CHD1L: variants seen among roughly 807,000 people sequenced by gnomAD.
CHD1L encodes chromodomain helicase DNA binding protein 1 like.
In CHD1L, 118 loss-of-function variants were observed where a neutral mutation model predicts 115.9. The ratio of observed to expected loss-of-function variants is 1.02; its 90% confidence interval spans 0.88 to 1.19. CHD1L has a LOEUF of 1.19. Ranked by LOEUF, CHD1L falls within the 50% of genes most tolerant of loss-of-function variation. CHD1L has a pLI of 0.00. For missense variants in CHD1L, 1,179 were observed against 1,065.3 expected (o/e 1.11, Z -1.49); for synonymous variants, 411 against 387.1 (o/e 1.06, Z -0.72).
rs587713336 is a variant in CHD1L, at chr1:147,270,824, C to G, written c.1086-108C>G. The G allele has an allele frequency of 5.7e-6, 5 of 869,652 alleles. No homozygotes were observed. The East Asian group carries it at 1.3e-4, about 22-fold the overall frequency. The allele number at this position is 869,652 out of a possible 1,614,324, so 53.9% of individuals were successfully genotyped here. A position where few individuals can be genotyped will look rare whatever the true frequency, so the allele number is the denominator to read the frequency against. ...AAATCATACGACACTTATATTTCTA[C>G]TTTGGTATTTATTTATAAACTTTTA... On this transcript the variant is annotated intron_variant, in intron 10 of 22. Transcript: ENST00000369258.
intron 1 of CHD1L, among the ~76,000 whole-genome samples, chr1:147,248,409 T>C (rs1268310268): frequency 2.6e-5 from 4 of 152,150 alleles, no homozygotes; most frequent in East Asian, 3.9e-4. Flanking sequence ...GGTTTCTCCA[T>C]GTTGGTCAGG....
At chr1:147,273,392 G>A (rs946532046) in intron 12 of CHD1L, among the ~76,000 whole-genome samples, 57 of 152,170 alleles carry the variant, frequency 3.7e-4, no homozygotes, top group African/African-American at 1.4e-3. Context: ...GCTGCTATAA[G>A]GGTATATGAA....
the CHD1L span, chr1:147,175,592 G>A: frequency 1.3e-5 from 2 of 151,964 alleles, no homozygotes; most frequent in Non-Finnish European, 2.9e-5. Context: ...TCTCCCCTGT[G>A]CCACATAAGA....
At position 147,287,870 on chromosome 1, in the gene CHD1L, A is replaced by T. The variant is rs180992258; in HGVS notation, c.2320+137A>T. On this transcript the variant is annotated intron_variant, in intron 19 of 22. Transcript: ENST00000369258. ...TGGGGACTGAATTCTGTCATAAATT[A>T]GCTACTTGTTCTGTGACTTCAAGGC... The T allele has an allele frequency of 4.0e-5, 26 of 648,298 alleles. No homozygotes were observed. The East Asian group carries it at 7.0e-4, about 17-fold the overall frequency. The allele number at this position is 648,298 out of a possible 1,614,324, so 40.2% of individuals were successfully genotyped here. A position where few individuals can be genotyped will look rare whatever the true frequency, so the allele number is the denominator to read the frequency against.
At chr1:147,275,205 G>A in intron 12 of CHD1L, 149 bp from the exon 13 acceptor site, 1 of 650,804 alleles carries the variant, frequency 1.5e-6, no homozygotes. Context: ...ACAAGGCTTT[G>A]GAGTTAGGGG....
At chr1:147,178,870 G>A in the CHD1L span, 4 of 1,579,052 alleles carry the variant, frequency 2.5e-6, no homozygotes, top group Admixed American at 5.0e-5. Flanking sequence ...AGACAATAAA[G>A]ATTTGATACA....
Position 147,295,714 on chromosome 1 carries a change from C to CT in CHD1L, c.*208dup. 1.9e-6 allele frequency: 1 copy of CT among 527,780 alleles called. No individual in the cohort carries two copies. Among genetic ancestry groups the CT allele is most frequent in the Non-Finnish European group, 3.3e-6 (1 of 303,740 alleles). 32.7% of individuals were successfully genotyped at this position (527,780 alleles called of 1,614,324 possible). A position where few individuals can be genotyped will look rare whatever the true frequency, so the allele number is the denominator to read the frequency against. ...AAACACAACTTTTTTTGGGAAAGCC[C>CT]TTTGACCCCAGCTTGCTAGTTGCAT... On this transcript the variant is annotated 3_prime_UTR_variant, in exon 23 of 23. Coordinates refer to ENST00000369258, the MANE Select transcript of CHD1L (RefSeq NM_004284.6).
intron 10 of CHD1L, among the ~76,000 whole-genome samples, chr1:147,269,886 T>C (rs937593200): frequency 6.6e-6 from 1 of 152,120 alleles, no homozygotes; most frequent in Non-Finnish European, 1.5e-5. Context: ...TGCTCAACTT[T>C]AGGAATGTGC....
the CHD1L span, among the ~76,000 whole-genome samples, chr1:147,234,562 A>G: frequency 1.5e-3 from 233 of 152,372 alleles, 1 homozygote; most frequent in Non-Finnish European, 2.5e-3. Context: ...CCTGGCATGT[A>G]GTTGGAGTTC....
chr1:147,222,643 T>C, the CHD1L span, among the ~76,000 whole-genome samples: 1 of 152,166 alleles, frequency 6.6e-6, no homozygotes, highest in Non-Finnish European at 1.5e-5. Flanking sequence ...ACCACACAGG[T>C]GTGGTCTGTT....
At chr1:147,190,214 C>G in the CHD1L span, 1 of 1,611,706 alleles carries the variant, frequency 6.2e-7, no homozygotes, top group Non-Finnish European at 8.5e-7. Flanking sequence ...GATATTTCTG[C>G]CATCATTTCA....
intron 10 of CHD1L, among the ~76,000 whole-genome samples, chr1:147,269,430 G>A (rs587758159): frequency 1.5e-4 from 23 of 152,186 alleles, no homozygotes; most frequent in African/African-American, 5.3e-4. Flanking sequence ...CAATACTTTG[G>A]GAGGCTGAGG....
At chr1:147,188,968 A>G in the CHD1L span, among the ~76,000 whole-genome samples, 1 of 152,176 alleles carries the variant, frequency 6.6e-6, no homozygotes, top group African/African-American at 2.4e-5. Flanking sequence ...AGTTGGTCAC[A>G]GGTGACCTTT....
chr1:147,264,788 A>G (rs1673251475), intron 7 of CHD1L, among the ~76,000 whole-genome samples: 1 of 152,200 alleles, frequency 6.6e-6, no homozygotes, highest in African/African-American at 2.4e-5. Context: ...ATTGTTTGCT[A>G]TTTGATTCTG....
chr1:147,195,325 G>T, the CHD1L span, among the ~76,000 whole-genome samples: 1 of 151,974 alleles, frequency 6.6e-6, no homozygotes, highest in Non-Finnish European at 1.5e-5. Context: ...TAGAGACGAG[G>T]TTTCACCATA....
the CHD1L span, chr1:147,208,916 A>C: frequency 6.2e-7 from 1 of 1,614,056 alleles, no homozygotes; most frequent in Non-Finnish European, 8.5e-7. Flanking sequence ...TTTTCCAAAT[A>C]TTTGTTTGCT....
At chr1:147,275,782 T>TAAAAAAAAAA (rs1344302937) in intron 13 of CHD1L, among the ~76,000 whole-genome samples, 1 of 139,392 alleles carries the variant, frequency 7.2e-6, no homozygotes, top group Non-Finnish European at 1.5e-5. Flanking sequence ...GGAGCTAAGC[T>TAAAAAAAAAA]AAAAAAAAAA....
chr1:147,218,933 C>T, the CHD1L span, among the ~76,000 whole-genome samples: 1 of 152,204 alleles, frequency 6.6e-6, no homozygotes, highest in Non-Finnish European at 1.5e-5. Context: ...GCTCCCAAAA[C>T]TCTCTGTTCA....
the CHD1L span, among the ~76,000 whole-genome samples, chr1:147,206,780 G>A: frequency 6.6e-6 from 1 of 152,018 alleles, no homozygotes. Context: ...GGAAGAGTGG[G>A]GAAGCATAGC....
Sources: gnomAD v4.1 joint callset for allele counts (sites outside exome capture counted in the v4.1 genomes callset) on GRCh38, gnomAD v4.1.1 for gene constraint, MANE v1.5 for transcripts, NCBI Gene and HGNC (gene_info 2026-07-23, HGNC 2026-07-21) for gene names.